CBFA2T2: variants seen among roughly 807,000 people sequenced by gnomAD.
The protein encoded by CBFA2T2 is CBFA2/RUNX1 partner transcriptional co-repressor 2, also known as protein CBFA2T2.
Under a neutral mutation model 62.2 loss-of-function variants are expected in CBFA2T2, and 11 were observed. The ratio of observed to expected loss-of-function variants is 0.18; its 90% CI spans 0.11 to 0.29. The LOEUF is 0.29. Ranked by LOEUF, CBFA2T2 falls within the 10% of genes least tolerant of loss-of-function variation. The probability of loss-of-function intolerance (pLI) is 1.00; values close to 1 mark genes in which losing one functional copy is unlikely to be tolerated. For missense variants in CBFA2T2, 592 were observed against 774.1 expected (o/e 0.76, Z 2.79); for synonymous variants, 295 against 287.5 (o/e 1.03, Z -0.27).
chr20:33,498,814 G>A (rs562034239), intron 1 of CBFA2T2, among the ~76,000 whole-genome samples: 3 of 151,916 alleles, frequency 2.0e-5, no homozygotes, highest in African/African-American at 4.8e-5. Context: ...AGGCCGAGGC[G>A]GGCGGATCAC....
intron 1 of CBFA2T2, among the ~76,000 whole-genome samples, chr20:33,559,511 AG>A (rs1454849724): frequency 1.3e-5 from 2 of 151,766 alleles, no homozygotes; most frequent in East Asian, 3.9e-4. Flanking sequence ...TTGTTGAGAC[AG>A]GGTCTTCCTC....
intron 1 of CBFA2T2, among the ~76,000 whole-genome samples, chr20:33,593,323 C>T (rs1008869326): frequency 4.6e-5 from 7 of 151,522 alleles, no homozygotes; most frequent in African/African-American, 1.7e-4. Context: ...CAGTGAGATT[C>T]CGTCTCAAAA....
intron 1 of CBFA2T2, among the ~76,000 whole-genome samples, chr20:33,493,950 C>A (rs1033690862): frequency 6.6e-6 from 1 of 151,476 alleles, no homozygotes; most frequent in African/African-American, 2.4e-5. Context: ...GTGGTGCGAT[C>A]TCGGCTCACT....
At chr20:33,518,978 T>C (rs2011656630) in intron 1 of CBFA2T2, among the ~76,000 whole-genome samples, 1 of 151,982 alleles carries the variant, frequency 6.6e-6, no homozygotes, top group Admixed American at 6.6e-5. Context: ...CACAGCACCA[T>C]GCCCAGCTAA....
At chr20:33,521,191 A>G (rs1197421776) in intron 1 of CBFA2T2, among the ~76,000 whole-genome samples, 1 of 152,170 alleles carries the variant, frequency 6.6e-6, no homozygotes, top group African/African-American at 2.4e-5. Flanking sequence ...ATTTAGCACT[A>G]TCCATTCATT....
At chr20:33,604,111 C>T (rs2015248387) in intron 1 of CBFA2T2, among the ~76,000 whole-genome samples, 1 of 152,182 alleles carries the variant, frequency 6.6e-6, no homozygotes, top group Non-Finnish European at 1.5e-5. Flanking sequence ...TCATTCCATA[C>T]ATTATCTCTG....
At chr20:33,627,241 C>CA (rs34478394) in intron 6 of CBFA2T2, among the ~76,000 whole-genome samples, 2 of 151,958 alleles carry the variant, frequency 1.3e-5, no homozygotes, top group African/African-American at 4.8e-5. Context: ...ACTAAAAATA[C>CA]AAAAAATTAG....
rs545170303 is a variant in CBFA2T2, at chr20:33,502,839, C to G, written c.34+12538C>G. On this transcript the variant is annotated intron_variant, in intron 1 of 10. Coordinates refer to ENST00000342704, the MANE Select transcript of CBFA2T2 (RefSeq NM_001032999.3). ...GGCGCGGTGGCTCACGCCTGTAATC[C>G]CAGCACTTTGGGAGGCCGAGGGGGG... is the stretch of plus-strand genomic sequence containing the variant. Among the ~76,000 whole-genome samples, 121 of 149,954 alleles carry G rather than the reference C, an allele frequency of 8.1e-4. 1 individual carries two copies. The highest frequency in any genetic ancestry group is 2.8e-3 in the African/African-American group (116 of 41,062).
intron 10 of CBFA2T2, among the ~76,000 whole-genome samples, chr20:33,642,051 G>A (rs2016859619): frequency 6.6e-6 from 1 of 151,770 alleles, no homozygotes; most frequent in African/African-American, 2.4e-5. Flanking sequence ...TATGGATTGT[G>A]AGAAAATAGT....
rs1448233312 is a variant in CBFA2T2 at position 33,643,764 on chromosome 20, T to C, written c.1489-583T>C. 3.8e-3 allele frequency among the ~76,000 whole-genome samples: 7 copies of C among 1,830 alleles called. 1 individual carries two copies. The highest frequency in any genetic ancestry group is 0.02 in the African/African-American group (5 of 250). 1.2% of individuals were successfully genotyped at this position (1,830 alleles called of 152,430 possible). ...AAACCTCATCTCTACTATATATATA[T>C]ATATATATATATATATATATATATA... On this transcript the variant is annotated intron_variant, in intron 10 of 10. Transcript: ENST00000342704.
At chr20:33,620,136 T>G (rs1305457962) in intron 4 of CBFA2T2, among the ~76,000 whole-genome samples, 1 of 152,180 alleles carries the variant, frequency 6.6e-6, no homozygotes, top group East Asian at 1.9e-4. Flanking sequence ...GGAGAGATTG[T>G]TCTGCATTAT....
chr20:33,600,710 C>T (rs1359110736), intron 1 of CBFA2T2, among the ~76,000 whole-genome samples: 2 of 152,060 alleles, frequency 1.3e-5, no homozygotes, highest in East Asian at 3.8e-4. Flanking sequence ...CTTGCCTGGC[C>T]GTCGTACATG....
intron 1 of CBFA2T2, among the ~76,000 whole-genome samples, chr20:33,545,790 T>G (rs1007790930): frequency 1.4e-4 from 21 of 152,138 alleles, no homozygotes; most frequent in African/African-American, 4.8e-4. Context: ...AAACACAGAA[T>G]TTCATTTCTG....
At chr20:33,617,429 A>G (rs2015750943) in intron 3 of CBFA2T2, among the ~76,000 whole-genome samples, 2 of 152,190 alleles carry the variant, frequency 1.3e-5, no homozygotes, top group Non-Finnish European at 2.9e-5. Flanking sequence ...TGAAGGAGGA[A>G]GGTGTTTATC....
rs547580964 is a variant in CBFA2T2, at chr20:33,508,510, A to G, written c.34+18209A>G. ...AACTTGTGTCATGGGCGTTTGTTGT[A>G]CAGATTACTTCCTCACCCAGGTATT... On this transcript the variant is annotated intron_variant, in intron 1 of 10. Transcript: ENST00000342704. 3.3e-5 allele frequency among the ~76,000 whole-genome samples: 5 copies of G among 152,140 alleles called. No homozygotes were observed. In the South Asian group the frequency reaches 1.0e-3, roughly 32 times the overall value.
At position 33,584,319 on chromosome 20, in the gene CBFA2T2, A is replaced by G. The variant is rs147863093; in HGVS notation, c.35-22637A>G. 5.8e-3 allele frequency among the ~76,000 whole-genome samples: 835 copies of G among 144,498 alleles called. 6 individuals carry two copies. The highest frequency in any genetic ancestry group is 0.02 in the African/African-American group (780 of 38,572). 94.8% of individuals were successfully genotyped at this position (144,498 alleles called of 152,430 possible). A position where few individuals can be genotyped will look rare whatever the true frequency, so the allele number is the denominator to read the frequency against. On this transcript the variant is annotated intron_variant, in intron 1 of 10. Transcript: ENST00000342704. ...CTCACTCTGTCGCCCAGGCTGGAATACAGTGATGCGATCTTGGCTCACTGC... is the reference window on the plus strand; with the variant it reads ...CTCACTCTGTCGCCCAGGCTGGAATGCAGTGATGCGATCTTGGCTCACTGC...
chr20:33,596,012 T>G (rs1233588794), intron 1 of CBFA2T2, among the ~76,000 whole-genome samples: 1 of 152,214 alleles, frequency 6.6e-6, no homozygotes, highest in East Asian at 1.9e-4. Flanking sequence ...TTTTCTTTCT[T>G]CCACAATAGC....
intron 1 of CBFA2T2, among the ~76,000 whole-genome samples, chr20:33,492,846 T>C (rs903572932): frequency 1.3e-5 from 2 of 152,014 alleles, no homozygotes; most frequent in African/African-American, 2.4e-5. Flanking sequence ...TGTATTACAT[T>C]CCTAGACAGT....
At chr20:33,582,185 T>C (rs2146915002) in intron 1 of CBFA2T2, among the ~76,000 whole-genome samples, 1 of 152,292 alleles carries the variant, frequency 6.6e-6, no homozygotes, top group South Asian at 2.1e-4. Context: ...GTTAGCCTTT[T>C]GATGATGTTG....
Sources: allele counts gnomAD v4.1 joint callset (sites outside exome capture counted in the v4.1 genomes callset), GRCh38; gene constraint gnomAD v4.1.1; transcripts MANE v1.5; gene names NCBI Gene and HGNC (gene_info 2026-07-23, HGNC 2026-07-21).